Variants in TUBB observed in about 807,000 individuals in gnomAD.
The protein encoded by TUBB is tubulin beta class I, also known as tubulin beta chain.
A neutral mutation model predicts 35.1 loss-of-function variants in TUBB; 2 were observed. The ratio of observed to expected loss-of-function variants is 0.06; its 90% CI spans 0.02 to 0.18. The LOEUF (loss-of-function observed/expected upper bound fraction) is 0.18. Ranked by LOEUF, TUBB falls within the 10% of genes least tolerant of loss-of-function variation. TUBB has a pLI of 1.00. For synonymous variants in TUBB, 205 were observed against 223.8 expected (o/e 0.92, Z 0.75); for missense variants, 50 against 599.4 (o/e 0.08, Z 9.57).
intron 1 of TUBB, chr6:30,721,533 C>G: frequency 1.0e-6 from 1 of 984,918 alleles, no homozygotes; most frequent in Non-Finnish European, 1.2e-6. Flanking sequence ...TTGTCCCTGG[C>G]CCCGCCCACG....
intron 1 of TUBB, chr6:30,721,975 A>T (rs1364707729): frequency 1.2e-6 from 1 of 848,598 alleles, no homozygotes; most frequent in African/African-American, 1.8e-5. Flanking sequence ...CCCCCATGCC[A>T]CGTTTCTACA....
intron 1 of TUBB, among the ~76,000 whole-genome samples, chr6:30,721,112 G>GT (rs373083918): frequency 2.1e-3 from 323 of 152,354 alleles, no homozygotes; most frequent in African/African-American, 7.4e-3. Flanking sequence ...GGCCGGTCCT[G>GT]TATTTGTTCC....
intron 1 of TUBB, among the ~76,000 whole-genome samples, chr6:30,720,879 G>C (rs1379136746): frequency 2.0e-5 from 3 of 152,258 alleles, no homozygotes. Context: ...AGAGAGATGC[G>C]GAAACGGTCG....
chr6:30,723,150 C>G (rs919827644), intron 3 of TUBB, 122 bp downstream of exon 3: 4 of 1,001,238 alleles, frequency 4.0e-6, no homozygotes, highest in Non-Finnish European at 6.0e-6. Flanking sequence ...GAAATGTGTT[C>G]TGAAATCTAA....
At chr6:30,721,977 G>A (rs1031879441) in intron 1 of TUBB, 2 of 846,294 alleles carry the variant, frequency 2.4e-6, no homozygotes, top group African/African-American at 1.8e-5. Context: ...CCCATGCCAC[G>A]TTTCTACAAA....
chr6:30,724,501 T>C lies in TUBB; in HGVS notation c.*104T>C. On this transcript the variant is annotated 3_prime_UTR_variant, in exon 4 of 4. Coordinates refer to ENST00000327892, the MANE Select transcript of TUBB (RefSeq NM_178014.4). The surrounding 1 kb of genome is among the most constrained non-coding windows in gnomAD (Gnocchi z 4.4). Reference sequence around the variant, plus strand: ...TTGTGTTTGCTGCCTCTATCTTGTTTTTTGTTTTTTCTTCTGGGGGGGGTC... The same window carrying C: ...TTGTGTTTGCTGCCTCTATCTTGTTCTTTGTTTTTTCTTCTGGGGGGGGTC... 1.8e-6 allele frequency: 2 copies of C among 1,130,040 alleles called. No homozygotes were observed. The highest frequency in any genetic ancestry group is 1.6e-5 in the South Asian group (1 of 61,998). The allele number at this position is 1,130,040 out of a possible 1,614,324, so 70.0% of individuals were successfully genotyped here. A position where few individuals can be genotyped will look rare whatever the true frequency, so the allele number is the denominator to read the frequency against.
chr6:30,724,685 TAAA>T lies in TUBB; in HGVS notation c.*291_*293del. Reference sequence around the variant, plus strand: ...CATTTGTCCAGTTAATACTTCCTCTTAAAAATCTCCAAGAAGCTGGGTCTCCAG... The same window carrying T: ...CATTTGTCCAGTTAATACTTCCTCTTAATCTCCAAGAAGCTGGGTCTCCAG... On this transcript the variant is annotated 3_prime_UTR_variant, in exon 4 of 4. Transcript: ENST00000327892. The surrounding 1 kb of genome is among the most constrained non-coding windows in gnomAD (Gnocchi z 4.4). 1 of 431,498 alleles carries T rather than the reference TAAA, an allele frequency of 2.3e-6. No individual in the cohort carries two copies. Among genetic ancestry groups the T allele is most frequent in the Non-Finnish European group, 4.1e-6 (1 of 245,280 alleles). 26.7% of individuals were successfully genotyped at this position (431,498 alleles called of 1,614,324 possible).
chr6:30,722,296 A>G, intron 1 of TUBB: 1 of 487,844 alleles, frequency 2.0e-6, no homozygotes, highest in Non-Finnish European at 3.7e-6. Flanking sequence ...TACAAAAAGT[A>G]GCTGGGCGTG....
Position 30,724,487 on chromosome 6 carries a change from G to A in TUBB, c.*90G>A, listed in dbSNP as rs1776500989. On this transcript the variant is annotated 3_prime_UTR_variant, in exon 4 of 4. Transcript: ENST00000327892. This position sits in a 1 kb window ranked among gnomAD's most constrained non-coding sequence, Gnocchi z 4.4. ...CTCTCCCTCAGAATTTGTGTTTGCT[G>A]CCTCTATCTTGTTTTTTGTTTTTTC... 2 of 1,249,216 alleles carry A rather than the reference G, an allele frequency of 1.6e-6. No individual in the cohort carries two copies. Among genetic ancestry groups the A allele is most frequent in the East Asian group, 2.5e-5 (1 of 39,534 alleles). 77.4% of individuals were successfully genotyped at this position (1,249,216 alleles called of 1,614,324 possible).
chr6:30,723,048 T>C lies in TUBB; in HGVS notation c.277+20T>C, dbSNP rs752154308. 1 of 1,574,852 alleles carries C rather than the reference T, an allele frequency of 6.3e-7. No individual in the cohort carries two copies. Among genetic ancestry groups the C allele is most frequent in the Non-Finnish European group, 8.7e-7 (1 of 1,148,730 alleles). ...TATTTGGTGAGTTATACAGATGATATTAGCAGATGATATACCATCGTGTTC... is the reference window on the plus strand; with the variant it reads ...TATTTGGTGAGTTATACAGATGATACTAGCAGATGATATACCATCGTGTTC... On this transcript the variant is annotated intron_variant, in intron 3 of 3. Coordinates refer to ENST00000327892, the MANE Select transcript of TUBB (RefSeq NM_178014.4).
Position 30,722,524 on chromosome 6 carries a change from T to TC in TUBB, c.58-8dup, listed in dbSNP as rs2127747845. The stretch of plus-strand genomic sequence containing the variant: ...ACTTGACCTGTTGTGGTCTCGTTGC[T>TC]CCCCCTCGGCAGTTCTGGGAGGTGA... On this transcript the variant is annotated splice_polypyrimidine_tract_variant and intron_variant, in intron 1 of 3. Transcript: ENST00000327892. 4 of 1,601,762 alleles carry TC rather than the reference T, an allele frequency of 2.5e-6. No individual in the cohort carries two copies. The highest frequency in any genetic ancestry group is 3.4e-6 in the Non-Finnish European group (4 of 1,169,692).
rs1185878541 is a variant in TUBB, at chr6:30,722,735, C to T, written c.166+90C>T. On this transcript the variant is annotated intron_variant, in intron 2 of 3. Transcript: ENST00000327892. ...TCCATTTCTGGGCACGCCTTATCCC[C>T]TTTGGGTGAATCTGTCATTTTGTCC... The T allele has an allele frequency of 8.0e-6, 10 of 1,251,612 alleles. No homozygotes were observed. In the South Asian group the frequency reaches 9.2e-5, roughly 11 times the overall value. 77.5% of individuals were successfully genotyped at this position (1,251,612 alleles called of 1,614,324 possible).
rs1490496998 is a variant in TUBB, at chr6:30,724,513, T to C, written c.*116T>C. On this transcript the variant is annotated 3_prime_UTR_variant, in exon 4 of 4. Transcript: ENST00000327892. This position sits in a 1 kb window ranked among gnomAD's most constrained non-coding sequence, Gnocchi z 4.4. ...CCTCTATCTTGTTTTTTGTTTTTTC[T>C]TCTGGGGGGGGTCTAGAACAGTGCC... is the stretch of plus-strand genomic sequence containing the variant. The C allele has an allele frequency of 2.3e-5, 22 of 951,934 alleles. No homozygotes were observed. Among genetic ancestry groups the C allele is most frequent in the Non-Finnish European group, 3.2e-5 (21 of 659,858 alleles). 59.0% of individuals were successfully genotyped at this position (951,934 alleles called of 1,614,324 possible).
rs748994684 is a variant in TUBB, at chr6:30,724,020, C to T, written c.958C>T (p.Arg320Trp). The T allele has an allele frequency of 1.2e-6, 2 of 1,613,996 alleles. No homozygotes were observed. The highest frequency in any genetic ancestry group is 1.7e-5 in the Admixed American group (1 of 59,998). Residue 320 changes from arginine to tryptophan, a missense_variant, in exon 4 of 4, where the codon CGG becomes TGG. Transcript: ENST00000327892. The surrounding 1 kb of genome is among the most constrained non-coding windows in gnomAD (Gnocchi z 4.4). ...YLTVAAVFRG[R>W]MSMKEVDEQM... ...CACCGTGGCTGCTGTCTTCCGTGGT[C>T]GGATGTCCATGAAGGAGGTCGATGA...
In TUBB at chr6:30,722,584, C is replaced by T. The variant is rs753347240; in HGVS notation, c.105C>T (p.Thr35=). 1.9e-6 allele frequency: 3 copies of T among 1,614,170 alleles called. No homozygotes were observed. Among genetic ancestry groups the T allele is most frequent in the Non-Finnish European group, 2.5e-6 (3 of 1,180,048 alleles). ...SDEHGIDPTG[T]YHGDSDLQLD... is the part of the protein sequence containing the mutation. ...AACATGGCATCGACCCCACCGGCAC[C>T]TACCACGGGGACAGCGACCTGCAGC... Residue 35 remains threonine (T), a synonymous_variant, in exon 2 of 4, where the codon ACC becomes ACT. Coordinates refer to ENST00000327892, the MANE Select transcript of TUBB (RefSeq NM_178014.4).
In TUBB at chr6:30,724,532, C is replaced by G. The variant is rs878859854; in HGVS notation, c.*135C>G. On this transcript the variant is annotated 3_prime_UTR_variant, in exon 4 of 4. Coordinates refer to ENST00000327892, the MANE Select transcript of TUBB (RefSeq NM_178014.4). This position sits in a 1 kb window ranked among gnomAD's most constrained non-coding sequence, Gnocchi z 4.4. ...TTTTTCTTCTGGGGGGGGTCTAGAA[C>G]AGTGCCTGGCACATAGTAGGCGCTC... 6.9e-5 allele frequency: 50 copies of G among 726,056 alleles called. No individual in the cohort carries two copies. Among genetic ancestry groups the G allele is most frequent in the South Asian group, 3.7e-4 (19 of 51,860 alleles). 45.0% of individuals were successfully genotyped at this position (726,056 alleles called of 1,614,324 possible).
intron 1 of TUBB, 109 bp downstream of exon 1, chr6:30,720,672 C>T (rs1776157278): frequency 2.1e-6 from 2 of 953,598 alleles, no homozygotes; most frequent in Middle Eastern, 2.2e-4. Flanking sequence ...CAAGATTTGC[C>T]CCTCTCAAGT....
intron 1 of TUBB, 62 bp downstream of exon 1, chr6:30,720,625 A>C: frequency 6.5e-7 from 1 of 1,537,796 alleles, no homozygotes; most frequent in East Asian, 2.3e-5. Context: ...AGTTATGAAA[A>C]AATGGTTGTG....
chr6:30,722,531 C>T lies in TUBB; in HGVS notation c.58-6C>T, dbSNP rs761733422. The T allele has an allele frequency of 8.1e-6, 13 of 1,610,778 alleles. No individual in the cohort carries two copies. Among genetic ancestry groups the T allele is most frequent in the African/African-American group, 1.3e-5 (1 of 74,830 alleles). The stretch of plus-strand genomic sequence containing the variant: ...CTGTTGTGGTCTCGTTGCTCCCCCT[C>T]GGCAGTTCTGGGAGGTGATCAGTGA... On this transcript the variant is annotated splice_polypyrimidine_tract_variant and splice_region_variant and intron_variant, in intron 1 of 3. Transcript: ENST00000327892.
Sources: allele counts gnomAD v4.1 joint callset (sites outside exome capture counted in the v4.1 genomes callset), GRCh38; gene constraint gnomAD v4.1.1; non-coding constraint Gnocchi (gnomAD v3.1); transcripts MANE v1.5; gene names NCBI Gene and HGNC (gene_info 2026-07-23, HGNC 2026-07-21).